SLC8A1: variants seen among roughly 807,000 people sequenced by gnomAD.
SLC8A1 encodes the protein sodium/calcium exchanger 1.
SLC8A1 carries 18 observed loss-of-function variants against 68.3 expected under a neutral mutation model. The ratio of observed to expected loss-of-function variants is 0.26; its 90% CI spans 0.18 to 0.39. SLC8A1 has a LOEUF of 0.39. Among genes scored for constraint, SLC8A1 ranks in the 10% least tolerant of loss-of-function variants. SLC8A1 has a pLI of 1.00. For synonymous variants in SLC8A1, 475 were observed against 415.5 expected (o/e 1.14, Z -1.74); for missense variants, 985 against 1,156.7 (o/e 0.85, Z 2.15).
intron 2 of SLC8A1, among the ~76,000 whole-genome samples, chr2:40,184,372 A>G (rs1261994689): frequency 1.3e-5 from 2 of 152,162 alleles, no homozygotes; most frequent in African/African-American, 4.8e-5. Flanking sequence ...AAACATGGGA[A>G]GATCATTTTG....
chr2:40,257,105 T>A (rs1417770964), intron 2 of SLC8A1, among the ~76,000 whole-genome samples: 4 of 152,240 alleles, frequency 2.6e-5, no homozygotes, highest in Non-Finnish European at 5.9e-5. Context: ...CATCTTATCA[T>A]AATTCTCAGC....
chr2:40,498,398 C>A (rs1705846447), intron 1 of SLC8A1, among the ~76,000 whole-genome samples: 1 of 152,052 alleles, frequency 6.6e-6, no homozygotes. Flanking sequence ...AATCAGTAGT[C>A]TTTAAGGGAC....
chr2:40,374,929 T>C (rs781160569), intron 2 of SLC8A1, among the ~76,000 whole-genome samples: 1 of 152,138 alleles, frequency 6.6e-6, no homozygotes, highest in Non-Finnish European at 1.5e-5. Flanking sequence ...GAGCCCCTTA[T>C]ATTTTCATCT....
chr2:40,269,231 A>G (rs1428850911), intron 2 of SLC8A1, among the ~76,000 whole-genome samples: 4 of 152,194 alleles, frequency 2.6e-5, no homozygotes, highest in African/African-American at 4.8e-5. Flanking sequence ...TAACTTTATA[A>G]TAACATAGCT....
At chr2:40,267,065 G>A (rs1391533471) in intron 2 of SLC8A1, among the ~76,000 whole-genome samples, 2 of 152,136 alleles carry the variant, frequency 1.3e-5, no homozygotes, top group Non-Finnish European at 2.9e-5. Context: ...TAAGTTTCTT[G>A]GGCAAAAGAG....
chr2:40,171,112 C>T (rs2047414209), intron 4 of SLC8A1, among the ~76,000 whole-genome samples: 1 of 152,278 alleles, frequency 6.6e-6, no homozygotes, highest in African/African-American at 2.4e-5. Context: ...GATTCAGTGC[C>T]ACCTCTGCCA....
intron 2 of SLC8A1, among the ~76,000 whole-genome samples, chr2:40,324,248 A>G (rs1219086057): frequency 6.6e-6 from 1 of 152,306 alleles, no homozygotes; most frequent in East Asian, 1.9e-4. Context: ...GGTAGCATGA[A>G]TTGATACTCT....
At chr2:40,489,226 A>G (rs1156352580) in intron 1 of SLC8A1, among the ~76,000 whole-genome samples, 2 of 152,116 alleles carry the variant, frequency 1.3e-5, no homozygotes, top group Non-Finnish European at 2.9e-5. Flanking sequence ...AACATAATTA[A>G]TAATCAAGTC....
intron 2 of SLC8A1, among the ~76,000 whole-genome samples, chr2:40,420,894 T>G (rs925287487): frequency 6.6e-6 from 1 of 152,206 alleles, no homozygotes; most frequent in Admixed American, 6.5e-5. Context: ...GGATCCACCC[T>G]TTATTAGCTG....
exon 8 of SLC8A1, chr2:40,106,893 T>C (rs2034233027): frequency 6.6e-6 from 1 of 152,186 alleles, no homozygotes; most frequent in Non-Finnish European, 1.5e-5. Flanking sequence ...GTATTGACAT[T>C]ACTGCCCCTT....
chr2:40,339,932 G>C (rs1228589874), intron 2 of SLC8A1, among the ~76,000 whole-genome samples: 1 of 152,156 alleles, frequency 6.6e-6, no homozygotes, highest in Non-Finnish European at 1.5e-5. Flanking sequence ...AGGTGACAAA[G>C]CTAGGTCAAT....
At chr2:40,288,557 C>T (rs189199555) in intron 2 of SLC8A1, among the ~76,000 whole-genome samples, 3 of 151,998 alleles carry the variant, frequency 2.0e-5, no homozygotes, top group African/African-American at 7.2e-5. Flanking sequence ...GGGAGAATAA[C>T]CCCTGTGTTG....
chr2:40,357,712 T>C (rs1023892066), intron 2 of SLC8A1, among the ~76,000 whole-genome samples: 1 of 152,012 alleles, frequency 6.6e-6, no homozygotes, highest in African/African-American at 2.4e-5. Context: ...GAACCTCCTC[T>C]CATTAATAAC....
At chr2:40,372,776 A>G (rs1333242618) in intron 2 of SLC8A1, among the ~76,000 whole-genome samples, 1 of 152,072 alleles carries the variant, frequency 6.6e-6, no homozygotes, top group Non-Finnish European at 1.5e-5. Flanking sequence ...TTAATAAGCC[A>G]TCGCTTATAC....
intron 1 of SLC8A1, among the ~76,000 whole-genome samples, chr2:40,436,253 G>A (rs1467238957): frequency 6.6e-6 from 1 of 152,110 alleles, no homozygotes; most frequent in Non-Finnish European, 1.5e-5. Context: ...CTTATTGAAT[G>A]AGTAAAGTAA....
At chr2:40,240,176 A>G (rs1343716348) in intron 2 of SLC8A1, among the ~76,000 whole-genome samples, 1 of 152,258 alleles carries the variant, frequency 6.6e-6, no homozygotes, top group Non-Finnish European at 1.5e-5. Context: ...CAGTTATAAA[A>G]TATGAGTGGG....
chr2:40,467,039 T>C (rs1403981145), intron 1 of SLC8A1, among the ~76,000 whole-genome samples: 1 of 150,924 alleles, frequency 6.6e-6, no homozygotes, highest in Admixed American at 6.6e-5. Context: ...ATGGATTAAT[T>C]TGAGAGTGAA....
rs560975012 is a variant in SLC8A1, at chr2:40,230,290, C to T, written c.1809-52435G>A. ...TAGAAATCCTTGGCTCCAAATAAAGCCTGTGACACATAAGCTTCTTGCTGT... is the reference window on the plus strand; with the variant it reads ...TAGAAATCCTTGGCTCCAAATAAAGTCTGTGACACATAAGCTTCTTGCTGT... On this transcript the variant is annotated intron_variant, in intron 2 of 7. Transcript: ENST00000406785. Among the ~76,000 whole-genome samples, 11 of 152,286 alleles carry T rather than the reference C, an allele frequency of 7.2e-5. No homozygotes were observed. The East Asian group carries it at 2.1e-3, about 29-fold the overall frequency.
exon 8 of SLC8A1, chr2:40,101,570 A>G (rs2033895589): frequency 1.3e-5 from 2 of 152,154 alleles, no homozygotes; most frequent in African/African-American, 4.8e-5. Flanking sequence ...GTTATGCCAG[A>G]AAAAGACATA....
Sources: gnomAD v4.1 joint callset for allele counts (sites outside exome capture counted in the v4.1 genomes callset) on GRCh38, gnomAD v4.1.1 for gene constraint, MANE v1.5 for transcripts, NCBI Gene and HGNC (gene_info 2026-07-23, HGNC 2026-07-21) for gene names.